FOCAD: variants seen among roughly 807,000 people sequenced by gnomAD.
The protein encoded by FOCAD is KIAA1797.
Under a neutral mutation model 225.6 loss-of-function variants are expected in FOCAD, and 198 were observed. That is an observed-to-expected ratio of 0.88 (90% CI 0.78 to 0.99). FOCAD has a LOEUF of 0.99. FOCAD is among the 50% of genes least tolerant of loss of function. FOCAD has a pLI of 0.00. For missense variants in FOCAD, 2,713 were observed against 2,123.6 expected (o/e 1.28, Z -5.46); for synonymous variants, 897 against 755.0 (o/e 1.19, Z -3.08).
intron 2 of FOCAD, among the ~76,000 whole-genome samples, chr9:20,678,970 C>A (rs1435895575): frequency 1.3e-5 from 2 of 152,094 alleles, no homozygotes; most frequent in African/African-American, 4.8e-5. Flanking sequence ...CAGAAGGTAA[C>A]ATCTCAGCAA....
At chr9:20,684,134 G>T (rs1822507476), upstream of FOCAD, 1 of 152,286 alleles carries the variant, frequency 6.6e-6, no homozygotes, top group African/African-American at 2.4e-5. Context: ...GCGTGCGCGC[G>T]AGCCGGGGAG....
chr9:20,761,246 A>G (rs1237589427), intron 6 of FOCAD, among the ~76,000 whole-genome samples: 1 of 152,136 alleles, frequency 6.6e-6, no homozygotes, highest in Non-Finnish European at 1.5e-5. Flanking sequence ...AGGAACTGAG[A>G]ATTTGAGAAT....
chr9:20,846,852 C>G (rs577346875), intron 15 of FOCAD, among the ~76,000 whole-genome samples: 10 of 152,210 alleles, frequency 6.6e-5, no homozygotes, highest in African/African-American at 2.2e-4. Flanking sequence ...AGTGCTTACC[C>G]ATTGCCAAAT....
intron 5 of FOCAD, among the ~76,000 whole-genome samples, chr9:20,744,452 T>A (rs1378704742): frequency 6.6e-6 from 1 of 152,214 alleles, no homozygotes; most frequent in Non-Finnish European, 1.5e-5. Flanking sequence ...CATAGATATT[T>A]AAATAAGGCT....
intron 2 of FOCAD, among the ~76,000 whole-genome samples, chr9:20,663,650 A>C (rs1033654418): frequency 1.3e-5 from 2 of 152,298 alleles, no homozygotes; most frequent in East Asian, 3.9e-4. Context: ...TATAGTTGCC[A>C]CTTCAATAAT....
chr9:20,891,586 C>G (rs778073550), intron 21 of FOCAD, among the ~76,000 whole-genome samples: 7 of 152,150 alleles, frequency 4.6e-5, no homozygotes, highest in Non-Finnish European at 1.0e-4. Context: ...AAGCCAAAGT[C>G]TAATCTAGAG....
intron 15 of FOCAD, among the ~76,000 whole-genome samples, chr9:20,854,355 G>T (rs1486090690): frequency 6.6e-6 from 1 of 151,664 alleles, no homozygotes; most frequent in Non-Finnish European, 1.5e-5. Context: ...GTATAAAGTA[G>T]GTGTACAGTT....
chr9:20,951,106 T>A lies in FOCAD; in HGVS notation c.4051+8T>A, dbSNP rs945365170. On this transcript the variant is annotated splice_region_variant and intron_variant, in intron 34 of 43. Coordinates refer to ENST00000338382, the MANE Select transcript of FOCAD (RefSeq NM_001375567.1). ...GTCAAAGTAGAGCCTCTGGTAAGATTAAAGTCATAAAATACTGGAGCTGGA... is the reference window on the plus strand; with the variant it reads ...GTCAAAGTAGAGCCTCTGGTAAGATAAAAGTCATAAAATACTGGAGCTGGA... The A allele has an allele frequency of 5.0e-6, 8 of 1,604,216 alleles. No individual in the cohort carries two copies. In the African/African-American group the frequency reaches 9.4e-5, roughly 19 times the overall value.
At chr9:20,895,224 C>T (rs1434451292) in intron 21 of FOCAD, among the ~76,000 whole-genome samples, 2 of 151,920 alleles carry the variant, frequency 1.3e-5, no homozygotes, top group Non-Finnish European at 2.9e-5. Flanking sequence ...TACTGTAGCT[C>T]TATAGTAAGT....
intron 25 of FOCAD, among the ~76,000 whole-genome samples, 158 bp from the exon 26 acceptor site, chr9:20,926,143 T>C (rs186630971): frequency 7.2e-4 from 109 of 152,294 alleles, no homozygotes; most frequent in Admixed American, 2.7e-3. Context: ...ACTACCTGTA[T>C]ACCTCATACG....
rs769903091 is a variant in FOCAD, at chr9:20,953,067, C to A, written c.4132+2C>A. The A allele has an allele frequency of 8.7e-6, 14 of 1,609,346 alleles. No homozygotes were observed. The South Asian group carries it at 1.4e-4, about 17-fold the overall frequency. On this transcript the variant is annotated splice_donor_variant, in intron 35 of 43. Transcript: ENST00000338382. LOFTEE classifies it high-confidence loss of function. ...TCTTCATTACAGGAGGAAAAAAAGG[C>A]AAGTGAGCACATTTCTTGAATTTTA... is the stretch of plus-strand genomic sequence containing the variant.
At chr9:20,775,354 G>A (rs1818651215) in intron 8 of FOCAD, among the ~76,000 whole-genome samples, 1 of 152,184 alleles carries the variant, frequency 6.6e-6, no homozygotes, top group African/African-American at 2.4e-5. Flanking sequence ...TGAAGAATGA[G>A]TGAAACATTT....
chr9:20,872,786 A>G (rs955580233), intron 18 of FOCAD: 2 of 152,090 alleles, frequency 1.3e-5, no homozygotes, highest in African/African-American at 2.4e-5. Context: ...TTCCCCCCTG[A>G]AAGAAACTCT....
chr9:20,930,904 G>A lies in FOCAD; in HGVS notation c.3317+1308G>A, dbSNP rs574576276. Reference sequence around the variant, plus strand: ...ATTTTTAAAGACTTAAAACTTGAAAGTGATTTTTTCCCTTTGCTACTATGC... The same window carrying A: ...ATTTTTAAAGACTTAAAACTTGAAAATGATTTTTTCCCTTTGCTACTATGC... On this transcript the variant is annotated intron_variant, in intron 27 of 43. Transcript: ENST00000338382. Among the ~76,000 whole-genome samples the A allele has an allele frequency of 1.2e-4, 19 of 152,308 alleles. 1 individual carries two copies. In the South Asian group the frequency reaches 3.9e-3, roughly 32 times the overall value.
intron 5 of FOCAD, among the ~76,000 whole-genome samples, chr9:20,742,125 C>T (rs189360072): frequency 2.9e-4 from 44 of 152,262 alleles, no homozygotes; most frequent in Middle Eastern, 3.4e-3. Flanking sequence ...ATATTTTCTC[C>T]CCTCTCAGGG....
intron 1 of FOCAD, among the ~76,000 whole-genome samples, chr9:20,706,489 T>G (rs1824397704): frequency 6.6e-6 from 1 of 152,204 alleles, no homozygotes; most frequent in African/African-American, 2.4e-5. Flanking sequence ...ATTATTGATC[T>G]TAAAATTCCT....
intron 24 of FOCAD, 30 bp downstream of exon 24, chr9:20,916,967 T>C: frequency 6.4e-7 from 1 of 1,567,778 alleles, no homozygotes; most frequent in South Asian, 1.2e-5. Flanking sequence ...TTATCAAACA[T>C]TTTTTATAAA....
At chr9:20,965,422 G>GT (rs1391333822) in intron 35 of FOCAD, among the ~76,000 whole-genome samples, 1 of 152,138 alleles carries the variant, frequency 6.6e-6, no homozygotes, top group African/African-American at 2.4e-5. Flanking sequence ...CGCCAAGACT[G>GT]TATCTCTCTT....
intron 21 of FOCAD, among the ~76,000 whole-genome samples, chr9:20,902,234 T>G (rs1470161522): frequency 6.6e-6 from 1 of 151,880 alleles, no homozygotes; most frequent in East Asian, 1.9e-4. Flanking sequence ...TGTGGAGTGT[T>G]GTGGGAGAGG....
Sources: gnomAD v4.1 joint callset for allele counts (sites outside exome capture counted in the v4.1 genomes callset) on GRCh38, gnomAD v4.1.1 for gene constraint, MANE v1.5 for transcripts, NCBI Gene and HGNC (gene_info 2026-07-23, HGNC 2026-07-21) for gene names.